Variants in NRG1 observed in about 807,000 individuals in gnomAD.
NRG1 encodes neuregulin 1.
In NRG1, 18 loss-of-function variants were observed where a neutral mutation model predicts 63.8. The observed-to-expected ratio is 0.28, with a 90% CI of 0.19 to 0.42. NRG1 has a LOEUF of 0.42. Among genes scored for constraint, NRG1 ranks in the 10% least tolerant of loss-of-function variants. The pLI, the probability that NRG1 is intolerant of heterozygous loss-of-function variation, is 1.00. For synonymous variants in NRG1, 302 were observed against 301.3 expected (o/e 1.00, Z -0.02); for missense variants, 762 against 814.7 (o/e 0.94, Z 0.79).
At chr8:32,760,655 A>G in intron 11 of NRG1, 1 of 1,297,648 alleles carries the variant, frequency 7.7e-7, no homozygotes. Context: ...TTTGATGCGG[A>G]AGGTGCAGCA....
intron 1 of NRG1, among the ~76,000 whole-genome samples, chr8:32,003,703 G>A (rs1255541078): frequency 6.6e-6 from 1 of 151,840 alleles, no homozygotes; most frequent in Non-Finnish European, 1.5e-5. Context: ...ACCCAAATTT[G>A]AGGGTTTCAT....
At chr8:32,327,884 G>A (rs1013205394) in intron 1 of NRG1, among the ~76,000 whole-genome samples, 2 of 152,166 alleles carry the variant, frequency 1.3e-5, no homozygotes, top group Non-Finnish European at 2.9e-5. Context: ...TTCCATATTG[G>A]CTAGAAATTT....
chr8:31,771,283 G>C (rs781685827), intron 1 of NRG1, among the ~76,000 whole-genome samples: 2 of 152,080 alleles, frequency 1.3e-5, no homozygotes, highest in South Asian at 4.1e-4. Context: ...CCCATTCAGC[G>C]TAACACCTGA....
intron 1 of NRG1, among the ~76,000 whole-genome samples, chr8:31,820,875 G>T (rs1052770009): frequency 6.6e-6 from 1 of 152,112 alleles, no homozygotes; most frequent in Non-Finnish European, 1.5e-5. Context: ...GCAAAATCAG[G>T]CTAGGTGTGA....
At chr8:32,042,947 G>T (rs1820308446) in intron 1 of NRG1, among the ~76,000 whole-genome samples, 1 of 59,448 alleles carries the variant, frequency 1.7e-5, no homozygotes, top group Non-Finnish European at 5.0e-5. Context: ...AATCCAGAAA[G>T]GTAGAAAGAG....
chr8:32,414,894 G>A (rs1237269865), intron 1 of NRG1, among the ~76,000 whole-genome samples: 7 of 152,124 alleles, frequency 4.6e-5, no homozygotes, highest in East Asian at 1.9e-4. Context: ...CCTGGCAGCT[G>A]GAGGATACCC....
At chr8:32,078,547 A>G (rs16878763) in intron 1 of NRG1, among the ~76,000 whole-genome samples, 48,090 of 152,050 alleles carry the variant, frequency 0.32, 8,768 homozygotes, top group East Asian at 0.65. Context: ...CTGATTTGCT[A>G]TAGGTATTGT....
chr8:32,053,916 C>A (rs1822410270), intron 1 of NRG1, among the ~76,000 whole-genome samples: 1 of 152,126 alleles, frequency 6.6e-6, no homozygotes, highest in Non-Finnish European at 1.5e-5. Flanking sequence ...CATTAACTTC[C>A]ATTTTTCTAA....
At chr8:31,793,460 A>G (rs1317761181) in intron 1 of NRG1, among the ~76,000 whole-genome samples, 1 of 152,238 alleles carries the variant, frequency 6.6e-6, no homozygotes. Flanking sequence ...GTTAATAACT[A>G]TTTTAAAGCA....
At chr8:31,711,030 A>G (rs1459504012) in intron 1 of NRG1, among the ~76,000 whole-genome samples, 1 of 152,106 alleles carries the variant, frequency 6.6e-6, no homozygotes, top group Non-Finnish European at 1.5e-5. Flanking sequence ...CTATGTTTGT[A>G]CTTCTATCAG....
intron 1 of NRG1, among the ~76,000 whole-genome samples, chr8:32,255,247 G>C (rs988892372): frequency 6.6e-6 from 1 of 152,126 alleles, no homozygotes; most frequent in African/African-American, 2.4e-5. Flanking sequence ...ATGCTAGCTG[G>C]TTATTTTGCC....
At chr8:32,723,441 G>T (rs1175009821) in intron 5 of NRG1, among the ~76,000 whole-genome samples, 1 of 152,020 alleles carries the variant, frequency 6.6e-6, no homozygotes, top group African/African-American at 2.4e-5. Flanking sequence ...CAGCAATTTG[G>T]GAGGCTGAGG....
intron 1 of NRG1, among the ~76,000 whole-genome samples, chr8:31,661,699 G>A (rs943906087): frequency 6.6e-6 from 1 of 152,180 alleles, no homozygotes; most frequent in Non-Finnish European, 1.5e-5. Flanking sequence ...GCTGTGTTCT[G>A]ATGTTGTCTA....
intron 1 of NRG1, among the ~76,000 whole-genome samples, chr8:32,299,197 G>A (rs1336877216): frequency 3.9e-5 from 6 of 151,964 alleles, no homozygotes; most frequent in Admixed American, 3.9e-4. Flanking sequence ...AGATTGGCTG[G>A]ATGTTTTTCC....
chr8:32,615,560 C>T (rs1847201724), intron 4 of NRG1, among the ~76,000 whole-genome samples: 1 of 151,980 alleles, frequency 6.6e-6, no homozygotes. Context: ...TTTTATTACT[C>T]CACATTTAAT....
At chr8:32,740,364 T>A (rs1430248871) in intron 6 of NRG1, among the ~76,000 whole-genome samples, 2 of 152,056 alleles carry the variant, frequency 1.3e-5, no homozygotes, top group Non-Finnish European at 2.9e-5. Flanking sequence ...CCCAGCTATT[T>A]TTCATATTTT....
At chr8:31,732,379 T>C (rs1814179379) in intron 1 of NRG1, among the ~76,000 whole-genome samples, 1 of 152,220 alleles carries the variant, frequency 6.6e-6, no homozygotes, top group Admixed American at 6.5e-5. Context: ...TGGGCTACTT[T>C]TGCTAGTTAG....
chr8:32,112,482 A>G (rs1013366766), intron 1 of NRG1, among the ~76,000 whole-genome samples: 3 of 152,230 alleles, frequency 2.0e-5, no homozygotes, highest in Admixed American at 2.0e-4. Context: ...AAATCTCCGT[A>G]TATTTTCTTA....
At chr8:31,773,993 A>G (rs1424808700) in intron 1 of NRG1, among the ~76,000 whole-genome samples, 1 of 152,098 alleles carries the variant, frequency 6.6e-6, no homozygotes, top group Non-Finnish European at 1.5e-5. Context: ...AAATAACTAA[A>G]TAAATGAGCT....
Sources: gnomAD v4.1 joint callset for allele counts (sites outside exome capture counted in the v4.1 genomes callset) on GRCh38, gnomAD v4.1.1 for gene constraint, MANE v1.5 for transcripts, NCBI Gene and HGNC (gene_info 2026-07-23, HGNC 2026-07-21) for gene names.